The following RNF128 variants were observed in gnomAD, a reference collection of about 807,000 sequenced individuals.
RNF128 encodes the protein ring finger protein 128.
RNF128 carries 13 observed loss-of-function variants against 26.2 expected under a neutral mutation model. That is an observed-to-expected ratio of 0.50 (90% CI 0.32 to 0.79). RNF128 has a LOEUF of 0.79. RNF128 is among the 30% of genes least tolerant of loss of function. RNF128 has a pLI of 0.03. For missense variants in RNF128, 315 were observed against 349.7 expected (o/e 0.90, Z 0.79); for synonymous variants, 149 against 142.5 (o/e 1.05, Z -0.32).
At chrX:106,723,072 C>T (rs1278129615), upstream of RNF128, among the ~76,000 whole-genome samples, 6 of 111,354 alleles carry the variant, frequency 5.4e-5, no homozygotes, top group East Asian at 2.8e-4. Flanking sequence ...ACCATTCATT[C>T]GCTCCATTGA....
chrX:106,695,056 A>G (rs939267154), intron 1 of RNF128, among the ~76,000 whole-genome samples: 3 of 111,772 alleles, frequency 2.7e-5, no homozygotes, highest in Non-Finnish European at 5.7e-5. Context: ...AAGTAAATAG[A>G]AACTTCTAAT....
intron 1 of RNF128, among the ~76,000 whole-genome samples, chrX:106,694,617 C>T (rs892235361): frequency 9.0e-6 from 1 of 110,926 alleles, no homozygotes; most frequent in Non-Finnish European, 1.9e-5. Flanking sequence ...TGAAGTGATT[C>T]CTATTTTCTT....
At chrX:106,791,723 G>A (rs984283926) in intron 6 of RNF128, among the ~76,000 whole-genome samples, 3 of 111,370 alleles carry the variant, frequency 2.7e-5, no homozygotes, top group Non-Finnish European at 5.7e-5. Context: ...ACTATTTACC[G>A]TGAAATGAAC....
intron 1 of RNF128, among the ~76,000 whole-genome samples, chrX:106,751,054 TC>T: frequency 9.0e-6 from 1 of 110,998 alleles, no homozygotes; most frequent in East Asian, 2.8e-4. Flanking sequence ...CCAGTGATCA[TC>T]CCCTCCATAG....
chrX:106,788,439 TATTATA>T (rs1449104907), intron 4 of RNF128, among the ~76,000 whole-genome samples: 1 of 44,851 alleles, frequency 2.2e-5, no homozygotes, highest in Non-Finnish European at 3.5e-5. Flanking sequence ...TATATAATAT[TATTATA>T]ATTATAATAT....
At position 106,795,536 on chromosome X, in the gene RNF128, GGA is replaced by G. The variant is rs757540590; in HGVS notation, c.1154-40_1154-39del. 31 of 1,151,367 alleles carry G rather than the reference GGA, an allele frequency of 2.7e-5. No homozygotes were observed. The African/African-American group carries it at 4.8e-4, about 18-fold the overall frequency. 94.9% of individuals were successfully genotyped at this position (1,151,367 alleles called of 1,213,427 possible). A position where few individuals can be genotyped will look rare whatever the true frequency, so the allele number is the denominator to read the frequency against. On this transcript the variant is annotated intron_variant, in intron 6 of 6. Transcript: ENST00000255499. ...AAATGTTGAATTTTGTCTTAAAAGA[GGA>G]GAGGGGCAAAATCATCCTAAAATTG...
intron 1 of RNF128, among the ~76,000 whole-genome samples, chrX:106,770,918 G>T (rs775964318): frequency 8.9e-6 from 1 of 111,958 alleles, no homozygotes; most frequent in Non-Finnish European, 1.9e-5. Flanking sequence ...TGATGGTGAC[G>T]TACTGACAGG....
intron 1 of RNF128, among the ~76,000 whole-genome samples, chrX:106,739,702 C>T (rs190402021): frequency 7.6e-4 from 85 of 111,364 alleles, no homozygotes; most frequent in African/African-American, 2.6e-3. Flanking sequence ...GAGACAGATT[C>T]ATGTTTGGTT....
At chrX:106,694,469 A>G in intron 1 of RNF128, 1 of 950,458 alleles carries the variant, frequency 1.1e-6, no homozygotes, top group Non-Finnish European at 1.4e-6. Flanking sequence ...TGGTATTTCC[A>G]TCTAGAACTG....
chrX:106,796,543 G>A lies in RNF128; in HGVS notation c.*830G>A, dbSNP rs1221957162. 1.8e-5 allele frequency: 2 copies of A among 112,119 alleles called. No homozygotes were observed. The highest frequency in any genetic ancestry group is 3.8e-5 in the Non-Finnish European group (2 of 53,043). 9.2% of individuals were successfully genotyped at this position (112,119 alleles called of 1,213,427 possible). On this transcript the variant is annotated 3_prime_UTR_variant, in exon 7 of 7. Transcript: ENST00000255499. ...ATGAATTAGTCTACAGAAAAAAAAT[G>A]TTCTGTAAAATTAGTCTGTTGAAAA...
intron 1 of RNF128, among the ~76,000 whole-genome samples, chrX:106,756,318 A>G (rs1367562611): frequency 9.0e-6 from 1 of 111,078 alleles, no homozygotes. Flanking sequence ...GAGGCATCAC[A>G]CTACCTGACT....
intron 1 of RNF128, among the ~76,000 whole-genome samples, chrX:106,743,344 T>C (rs1222760243): frequency 8.9e-6 from 1 of 112,438 alleles, no homozygotes; most frequent in African/African-American, 3.2e-5. Flanking sequence ...CTGACTTTTT[T>C]GTTATTGTTT....
At chrX:106,783,878 C>G in intron 2 of RNF128, among the ~76,000 whole-genome samples, 1 of 110,532 alleles carries the variant, frequency 9.0e-6, no homozygotes, top group East Asian at 2.9e-4. Context: ...TTTAAACAAC[C>G]AGCGGGAACT....
At chrX:106,713,853 G>A (rs1006882442) in intron 1 of RNF128, among the ~76,000 whole-genome samples, 2 of 111,027 alleles carry the variant, frequency 1.8e-5, no homozygotes, top group Non-Finnish European at 3.8e-5. Flanking sequence ...AATTTTCAGA[G>A]GTAACTCTGA....
chrX:106,726,682 A>G (rs972458887), upstream of RNF128: 10 of 1,011,897 alleles, frequency 9.9e-6, no homozygotes, highest in Non-Finnish European at 1.2e-5. Context: ...CTAAAGCCCC[A>G]GAGCCCGACG....
intron 1 of RNF128, among the ~76,000 whole-genome samples, chrX:106,704,314 T>A (rs2147658672): frequency 9.2e-6 from 1 of 108,340 alleles, no homozygotes; most frequent in South Asian, 4.1e-4. Flanking sequence ...GCGCCTGTAG[T>A]CCCAGCTACT....
rs984060271 is a variant in RNF128 at position 106,766,406 on chromosome X, T to A, written c.485-6507T>A. On this transcript the variant is annotated intron_variant, in intron 1 of 6. Transcript: ENST00000255499. Reference sequence around the variant, plus strand: ...TTCCTGACTTTTTAATGATCACCATTCTAAGTCGTGTGAGATGGTATCTCA... The same window carrying A: ...TTCCTGACTTTTTAATGATCACCATACTAAGTCGTGTGAGATGGTATCTCA... 9.8e-5 allele frequency among the ~76,000 whole-genome samples: 11 copies of A among 112,293 alleles called. No individual in the cohort carries two copies. In the East Asian group the frequency reaches 1.7e-3, roughly 17 times the overall value.
intron 6 of RNF128, 96 bp downstream of exon 6, chrX:106,791,330 G>T: frequency 1.2e-6 from 1 of 846,095 alleles, no homozygotes; most frequent in Non-Finnish European, 1.6e-6. Flanking sequence ...GTTCCATTCA[G>T]CCATTATCAT....
intron 1 of RNF128, among the ~76,000 whole-genome samples, chrX:106,711,771 C>T (rs1471314484): frequency 8.9e-6 from 1 of 111,848 alleles, no homozygotes; most frequent in Non-Finnish European, 1.9e-5. Flanking sequence ...ACTTGTTATA[C>T]TGACATCTGA....
Sources: allele counts gnomAD v4.1 joint callset (sites outside exome capture counted in the v4.1 genomes callset), GRCh38; gene constraint gnomAD v4.1.1; transcripts MANE v1.5; gene names NCBI Gene and HGNC (gene_info 2026-07-23, HGNC 2026-07-21).